LAMC3: variants seen among roughly 807,000 people sequenced by gnomAD.
The protein encoded by LAMC3 is laminin subunit gamma-3.
Under a neutral mutation model 173.8 loss-of-function variants are expected in LAMC3, and 128 were observed. The ratio of observed to expected loss-of-function variants is 0.74; its 90% CI spans 0.64 to 0.85. LAMC3 has a LOEUF of 0.85. Among genes scored for constraint, LAMC3 ranks in the 40% least tolerant of loss-of-function variants. The probability of loss-of-function intolerance (pLI) is 0.00; values close to 1 mark genes in which losing one functional copy is unlikely to be tolerated. For missense variants in LAMC3, 2,022 were observed against 2,156.0 expected (o/e 0.94, Z 1.23); for synonymous variants, 897 against 909.1 (o/e 0.99, Z 0.24).
At chr9:131,050,753 G>A (rs565316870) in intron 9 of LAMC3, among the ~76,000 whole-genome samples, 6 of 148,010 alleles carry the variant, frequency 4.1e-5, no homozygotes, top group African/African-American at 1.5e-4. Flanking sequence ...GGGCGACAGA[G>A]TGAGACTCCA....
Position 131,032,481 on chromosome 9 carries a change from TCTCTCG to T in LAMC3, c.809+318_809+323del, listed in dbSNP as rs201811936. ...TTCCTCCCTTCGCTCTCGCTCTCTT[TCTCTCG>T]CTCTCGCTCTCTCTCACTCGCTCTC... On this transcript the variant is annotated intron_variant, in intron 3 of 27. Transcript: ENST00000361069. Among the ~76,000 whole-genome samples the T allele has an allele frequency of 8.1e-3, 1,191 of 147,770 alleles. 31 individuals are homozygous for T. The highest frequency in any genetic ancestry group is 0.054 in the East Asian group (275 of 5,090).
In LAMC3 at chr9:131,093,425, TGGGTGGGGCCTTGAA is replaced by T. The variant is rs1174172890; in HGVS notation, c.*1647_*1661del. On this transcript the variant is annotated 3_prime_UTR_variant, in exon 28 of 28. Transcript: ENST00000361069. ...GGCGCCATCCAGGAGGGGGATGGTGTGGGTGGGGCCTTGAAGGGTGGGGAGGCAGAGAAGGAAGCA... is the reference window on the plus strand; with the variant it reads ...GGCGCCATCCAGGAGGGGGATGGTGTGGGTGGGGAGGCAGAGAAGGAAGCA... 8.4e-6 allele frequency: 1 copy of T among 118,520 alleles called. No individual in the cohort carries two copies. The highest frequency in any genetic ancestry group is 8.5e-5 in the Admixed American group (1 of 11,822). 7.3% of individuals were successfully genotyped at this position (118,520 alleles called of 1,614,324 possible).
chr9:131,024,922 G>A (rs1167994701), intron 1 of LAMC3, among the ~76,000 whole-genome samples: 6 of 152,136 alleles, frequency 3.9e-5, no homozygotes, highest in African/African-American at 1.4e-4. Context: ...TGTCAGGGGT[G>A]TGCATTAGGG....
At position 131,087,225 on chromosome 9, in the gene LAMC3, C is replaced by G. The variant is rs528636773; in HGVS notation, c.4231-251C>G. On this transcript the variant is annotated intron_variant, in intron 25 of 27. Transcript: ENST00000361069. ...CCTCGGGCTTTGGCCAGCCCCTCCT[C>G]CCCTCTGTGCCTCTGTTTCCTCACC... 3.9e-5 allele frequency among the ~76,000 whole-genome samples: 6 copies of G among 152,372 alleles called. No homozygotes were observed. In the East Asian group the frequency reaches 1.2e-3, roughly 29 times the overall value.
chr9:131,027,342 G>T (rs1833739882), intron 2 of LAMC3, among the ~76,000 whole-genome samples: 1 of 152,236 alleles, frequency 6.6e-6, no homozygotes, highest in Admixed American at 6.5e-5. Context: ...CCGCTGAGGG[G>T]CCTCGCTTCC....
At chr9:131,078,436 G>A (rs551912741) in intron 22 of LAMC3, among the ~76,000 whole-genome samples, 1 of 152,324 alleles carries the variant, frequency 6.6e-6, no homozygotes, top group African/African-American at 2.4e-5. Flanking sequence ...AGTAAGCTGA[G>A]ATTGCGCCAC....
rs115549520 is a variant in LAMC3, at chr9:131,069,065, T to A, written c.2890+15T>A. On this transcript the variant is annotated intron_variant, in intron 16 of 27. Transcript: ENST00000361069. ...GGGCTGCCGGGGTAAGGAGGCTGGG[T>A]CCTTCCCGGGCTGCCCTGAGGGTGG... 1,613 of 1,612,826 alleles carry A rather than the reference T, an allele frequency of 1.0e-3. 15 individuals carry two copies. The African/African-American group carries it at 0.019, about 19-fold the overall frequency.
At chr9:131,056,153 A>C (rs777973892) in intron 11 of LAMC3, among the ~76,000 whole-genome samples, 1 of 152,164 alleles carries the variant, frequency 6.6e-6, no homozygotes, top group Non-Finnish European at 1.5e-5. Context: ...CTATGGTTGT[A>C]CCACTGCACT....
At chr9:131,088,372 G>A (rs1213061873) in intron 27 of LAMC3, among the ~76,000 whole-genome samples, 2 of 152,074 alleles carry the variant, frequency 1.3e-5, no homozygotes, top group Admixed American at 1.3e-4. Context: ...CACGGTGCGT[G>A]GTGTATGTTG....
rs191565731 is a variant in LAMC3 at position 131,052,836 on chromosome 9, G to A, written c.1824-14G>A. 8.9e-5 allele frequency: 138 copies of A among 1,557,092 alleles called. No individual in the cohort carries two copies. In the East Asian group the frequency reaches 2.5e-3, roughly 28 times the overall value. ...CCTATGTCGGGATCTCACTTTGACCGCTTCTCTCGCCAGCCTGCAGGAGAC... is the reference window on the plus strand; with the variant it reads ...CCTATGTCGGGATCTCACTTTGACCACTTCTCTCGCCAGCCTGCAGGAGAC... On this transcript the variant is annotated splice_polypyrimidine_tract_variant and intron_variant, in intron 10 of 27. Coordinates refer to ENST00000361069, the MANE Select transcript of LAMC3 (RefSeq NM_006059.4).
At chr9:131,018,673 C>T (rs554050519) in intron 1 of LAMC3, among the ~76,000 whole-genome samples, 24 of 152,148 alleles carry the variant, frequency 1.6e-4, no homozygotes, top group Non-Finnish European at 3.1e-4. Context: ...ATTCTGTTCC[C>T]TCTGCTCTCC....
intron 1 of LAMC3, among the ~76,000 whole-genome samples, chr9:131,010,951 A>G (rs894738399): frequency 6.6e-6 from 1 of 152,100 alleles, no homozygotes. Context: ...TGCAGCCTCC[A>G]CTGCCCTTTC....
At chr9:131,081,517 C>T (rs1830241916) in intron 23 of LAMC3, among the ~76,000 whole-genome samples, 1 of 145,976 alleles carries the variant, frequency 6.9e-6, no homozygotes, top group Non-Finnish European at 1.5e-5. Context: ...GCCACCCAGG[C>T]TGGAGTGCAG....
intron 13 of LAMC3, among the ~76,000 whole-genome samples, chr9:131,063,854 T>C (rs1402850650): frequency 1.8e-4 from 28 of 152,198 alleles, no homozygotes; most frequent in Admixed American, 1.8e-3. Context: ...CCAGTTTGTC[T>C]TTTCCTTTCC....
chr9:131,057,994 C>T (rs1032557082), intron 12 of LAMC3, among the ~76,000 whole-genome samples: 4 of 152,254 alleles, frequency 2.6e-5, no homozygotes, highest in African/African-American at 7.2e-5. Flanking sequence ...GAAGGCCCCA[C>T]GCTGCAGTGC....
chr9:131,044,045 GTC>G (rs1442159944), intron 7 of LAMC3, among the ~76,000 whole-genome samples: 1 of 148,092 alleles, frequency 6.8e-6, no homozygotes, highest in Non-Finnish European at 1.5e-5. Context: ...TGCAACCTCT[GTC>G]TCCCGGGTTC....
chr9:131,068,326 T>G, intron 15 of LAMC3, 95 bp downstream of exon 15: 2 of 1,337,102 alleles, frequency 1.5e-6, no homozygotes, highest in Non-Finnish European at 2.1e-6. Flanking sequence ...TTGGAAGGTG[T>G]TGTCCTAGGC....
chr9:131,085,660 T>G lies in LAMC3; in HGVS notation c.4167T>G (p.Pro1389=). Residue 1389 remains proline (P), a synonymous_variant, in exon 25 of 28, where the codon CCT becomes CCG. Transcript: ENST00000361069. The part of the protein sequence containing the change: ...QAERMLGNAA[P]LSSSAKKKGR... Reference sequence around the variant, plus strand: ...AGAGGATGCTGGGAAACGCGGCCCCTCTTTCCTCCAGTGCCAAGAAGAAGG... The same window carrying G: ...AGAGGATGCTGGGAAACGCGGCCCCGCTTTCCTCCAGTGCCAAGAAGAAGG... 1 of 1,614,148 alleles carries G rather than the reference T, an allele frequency of 6.2e-7. No individual in the cohort carries two copies. Among genetic ancestry groups the G allele is most frequent in the Non-Finnish European group, 8.5e-7 (1 of 1,180,036 alleles).
At chr9:131,024,392 C>T (rs566944355) in intron 1 of LAMC3, among the ~76,000 whole-genome samples, 2 of 152,222 alleles carry the variant, frequency 1.3e-5, no homozygotes, top group South Asian at 2.1e-4. Flanking sequence ...GTGATCCACC[C>T]GCTTCGGCCT....
Sources: allele counts gnomAD v4.1 joint callset (sites outside exome capture counted in the v4.1 genomes callset), GRCh38; gene constraint gnomAD v4.1.1; transcripts MANE v1.5; gene names NCBI Gene and HGNC (gene_info 2026-07-23, HGNC 2026-07-21).